Variants in MFN2 observed in about 807,000 individuals in gnomAD.
The protein encoded by MFN2 is mitofusin 2.
Under a neutral mutation model 87.5 loss-of-function variants are expected in MFN2, and 43 were observed. The observed-to-expected ratio is 0.49, with a 90% CI of 0.38 to 0.63. MFN2 has a LOEUF of 0.63. MFN2 is among the 30% of genes least tolerant of loss of function. The probability of loss-of-function intolerance (pLI) is 0.00; values close to 1 mark genes in which losing one functional copy is unlikely to be tolerated. For missense variants in MFN2, 743 were observed against 972.8 expected (o/e 0.76, Z 3.14); for synonymous variants, 337 against 359.9 (o/e 0.94, Z 0.72).
chr1:11,981,917 A>ATTTTTT (rs1645991971), intron 1 of MFN2, 53 bp from the exon 2 acceptor site: 1 of 70,450 alleles, frequency 1.4e-5, no homozygotes, highest in African/African-American at 1.0e-4. Flanking sequence ...TTTGTACACC[A>ATTTTTT]GTGTTTTTTT....
chr1:11,983,273 G>A (rs1018730342), intron 2 of MFN2, among the ~76,000 whole-genome samples: 5 of 152,104 alleles, frequency 3.3e-5, no homozygotes, highest in African/African-American at 1.2e-4. Flanking sequence ...GGGTTTCACC[G>A]TGTTAGCCAG....
chr1:11,995,103 G>C (rs1020128326), intron 4 of MFN2, among the ~76,000 whole-genome samples: 2 of 152,016 alleles, frequency 1.3e-5, no homozygotes, highest in Non-Finnish European at 2.9e-5. Flanking sequence ...TTAGCTGGGC[G>C]TGGTCGCAGC....
chr1:11,985,848 C>T (rs1459320206), intron 2 of MFN2, among the ~76,000 whole-genome samples: 26 of 152,126 alleles, frequency 1.7e-4, no homozygotes, highest in Admixed American at 1.7e-3. Context: ...GTCTGATCTG[C>T]CAGGCCATGG....
chr1:11,986,955 A>G (rs554410516), intron 2 of MFN2, among the ~76,000 whole-genome samples: 1 of 152,302 alleles, frequency 6.6e-6, no homozygotes, highest in African/African-American at 2.4e-5. Context: ...ATATGAAAAG[A>G]TAAGCTACAA....
intron 15 of MFN2, among the ~76,000 whole-genome samples, chr1:12,006,161 T>A (rs1569866922): frequency 6.6e-6 from 1 of 151,960 alleles, no homozygotes; most frequent in African/African-American, 2.4e-5. Flanking sequence ...TAATACACAT[T>A]AAAGTAAGTA....
At chr1:11,997,257 G>T in intron 5 of MFN2, 40 bp from the exon 6 acceptor site, 4 of 1,613,096 alleles carry the variant, frequency 2.5e-6, no homozygotes, top group Non-Finnish European at 3.4e-6. Context: ...TGGCCTGGTG[G>T]TTCCTCCTCA....
In MFN2 at chr1:11,992,535, T is replaced by C. The variant is rs769444556; in HGVS notation, c.176-20T>C. 6.2e-7 allele frequency: 1 copy of C among 1,614,008 alleles called. No homozygotes were observed. The highest frequency in any genetic ancestry group is 8.5e-7 in the Non-Finnish European group (1 of 1,179,964). ...ACTCCTCTGACCACGTGGTGACCCA[T>C]TTTCAATCCCCACCTCCAGACACGT... On this transcript the variant is annotated intron_variant, in intron 3 of 18. Transcript: ENST00000235329.
Position 12,009,427 on chromosome 1 carries a change from G to A in MFN2, c.2070-165G>A, listed in dbSNP as rs532766062. On this transcript the variant is annotated intron_variant, in intron 17 of 18. Coordinates refer to ENST00000235329, the MANE Select transcript of MFN2 (RefSeq NM_014874.4). ...TGTGTTTGGTTGTTATGATTATTCA[G>A]TCTCAGCAGGGTGTAGGAGATTCTG... Among the ~76,000 whole-genome samples the A allele has an allele frequency of 2.6e-5, 4 of 152,330 alleles. 1 individual carries two copies. The highest frequency in any genetic ancestry group is 7.2e-5 in the African/African-American group (3 of 41,574).
chr1:11,996,237 T>C lies in MFN2; in HGVS notation c.393T>C (p.Asn131=), dbSNP rs938784116. The change falls in exon 5 of 19, where the codon AAT becomes AAC. Residue 131 remains asparagine (N), a synonymous_variant. Transcript: ENST00000235329. ...VLPSGIGHTT[N]CFLRVEGTDG... ...CCTCTGGGATTGGCCACACCACCAA[T>C]TGCTTCCTGCGGGTAGAGGGCACAG... The C allele has an allele frequency of 1.3e-5, 21 of 1,614,096 alleles. No individual in the cohort carries two copies. Among genetic ancestry groups the C allele is most frequent in the Non-Finnish European group, 1.7e-5 (20 of 1,180,042 alleles).
At chr1:12,005,432 A>G (rs1181472050) in intron 14 of MFN2, among the ~76,000 whole-genome samples, 1 of 152,258 alleles carries the variant, frequency 6.6e-6, no homozygotes, top group Non-Finnish European at 1.5e-5. Context: ...TTGTTCTACT[A>G]CATGGGTCTA....
intron 11 of MFN2, among the ~76,000 whole-genome samples, chr1:12,002,372 C>T (rs1445172142): frequency 6.6e-6 from 1 of 152,260 alleles, no homozygotes; most frequent in Non-Finnish European, 1.5e-5. Flanking sequence ...GCTCTGCAGC[C>T]ATTCTCAGAG....
chr1:12,013,249 G>A lies in MFN2; in HGVS notation c.*1684G>A. On this transcript the variant is annotated 3_prime_UTR_variant, in exon 19 of 19. Transcript: ENST00000235329. ...AATTTTTTTTCAATGTAGCCCCTGG[G>A]GAATGAATGAAATTTTGAGCTTCTT... The A allele has an allele frequency of 2.6e-6, 1 of 391,172 alleles. No homozygotes were observed. The allele number at this position is 391,172 out of a possible 1,614,324, so 24.2% of individuals were successfully genotyped here.
chr1:11,994,003 AC>A (rs1450694151), intron 4 of MFN2, among the ~76,000 whole-genome samples: 1 of 152,182 alleles, frequency 6.6e-6, no homozygotes, highest in African/African-American at 2.4e-5. Flanking sequence ...TTAAAGGAAC[AC>A]TTCCACAGCT....
rs1364559093 is a variant in MFN2, at chr1:12,005,810, A to C, written c.1595A>C (p.Lys532Thr). The change falls in exon 15 of 19, where the codon AAG becomes ACG. Residue 532 changes from lysine to threonine, a missense_variant. Coordinates refer to ENST00000235329, the MANE Select transcript of MFN2 (RefSeq NM_014874.4). The stretch of plus-strand genomic sequence containing the variant: ...CTCAACTATGACCTAAACTGTGACA[A>C]GCTGTGTGCTGACTTCCAGGAAGAC... ...FSLNYDLNCD[K>T]LCADFQEDIE... 12 of 1,614,056 alleles carry C rather than the reference A, an allele frequency of 7.4e-6. No homozygotes were observed. The highest frequency in any genetic ancestry group is 1.0e-5 in the Non-Finnish European group (12 of 1,180,032).
At chr1:12,008,205 C>T (rs1331983899) in intron 17 of MFN2, among the ~76,000 whole-genome samples, 1 of 152,264 alleles carries the variant, frequency 6.6e-6, no homozygotes, top group Non-Finnish European at 1.5e-5. Context: ...ACATTTCCCC[C>T]TTTTCTATTC....
chr1:12,011,388 G>A, intron 18 of MFN2, 108 bp from the exon 19 acceptor site: 3 of 1,112,684 alleles, frequency 2.7e-6, no homozygotes, highest in East Asian at 4.8e-5. Flanking sequence ...ATTGTTGGAG[G>A]ATGATGTAAG....
Position 11,982,277 on chromosome 1 carries a change from G to A in MFN2, c.-5+163G>A, listed in dbSNP as rs931367450. 2.0e-5 allele frequency among the ~76,000 whole-genome samples: 3 copies of A among 152,140 alleles called. No homozygotes were observed. The East Asian group carries it at 5.8e-4, about 29-fold the overall frequency. On this transcript the variant is annotated intron_variant, in intron 2 of 18. Transcript: ENST00000235329. ...AAACTACCGTATCTTTTACTTCCGT[G>A]AAGGATTTCGCTGGTTGCTTAGAGA... is the stretch of plus-strand genomic sequence containing the variant.
In MFN2 at chr1:11,992,647, G is replaced by A; in HGVS notation, c.268G>A (p.Glu90Lys). The change falls in exon 4 of 19, where the codon GAG becomes AAG. Residue 90 changes from glutamate to lysine, a missense_variant. Physicochemically the swap from Glu to Lys is moderately conservative, Grantham distance 56. Around this residue, in one of 3 missense-constraint regions of MFN2, gnomAD observed 141 missense variants for 278.9 expected, o/e 0.51. Coordinates refer to ENST00000235329, the MANE Select transcript of MFN2 (RefSeq NM_014874.4). Reference protein sequence around the residue: ...GYLSKVRGISEVLARRHMKVA... With the variant: ...GYLSKVRGISKVLARRHMKVA... The stretch of plus-strand genomic sequence containing the variant: ...CCTATCCAAAGTGAGAGGCATCAGT[G>A]AGGTGCTGGCTCGGAGGCACATGAA... 1 of 1,614,208 alleles carries A rather than the reference G, an allele frequency of 6.2e-7. No individual in the cohort carries two copies. Among genetic ancestry groups the A allele is most frequent in the East Asian group, 2.2e-5 (1 of 44,888 alleles).
rs766048154 is a variant in MFN2, at chr1:12,004,493, C to T, written c.1288-16C>T. The T allele has an allele frequency of 7.5e-6, 12 of 1,610,578 alleles. No individual in the cohort carries two copies. Among genetic ancestry groups the T allele is most frequent in the African/African-American group, 5.3e-5 (4 of 74,844 alleles). On this transcript the variant is annotated splice_polypyrimidine_tract_variant and intron_variant, in intron 12 of 18. Coordinates refer to ENST00000235329, the MANE Select transcript of MFN2 (RefSeq NM_014874.4). This position sits in a 1 kb window ranked among gnomAD's most constrained non-coding sequence, Gnocchi z 4.2. ...GTCTTCCTTGATACTTAACAGTGTG[C>T]TTCCTTTTGCTGTAGGTGTCGACTG...
Sources: gnomAD v4.1 joint callset for allele counts (sites outside exome capture counted in the v4.1 genomes callset) on GRCh38, gnomAD v4.1.1 for gene constraint, gnomAD v4.1.1 regional missense constraint, Gnocchi (gnomAD v3.1) non-coding constraint, MANE v1.5 for transcripts, NCBI Gene and HGNC (gene_info 2026-07-23, HGNC 2026-07-21) for gene names.